The following MYO9A variants were observed in gnomAD, a reference collection of about 807,000 sequenced individuals.
MYO9A encodes the protein unconventional myosin-IXa.
In MYO9A, 103 loss-of-function variants were observed where a neutral mutation model predicts 293.3. The observed-to-expected ratio is 0.35, with a 90% CI of 0.30 to 0.41. The LOEUF is 0.41. Ranked by LOEUF, MYO9A falls within the 10% of genes least tolerant of loss-of-function variation. The pLI is 1.00. For synonymous variants in MYO9A, 1,001 were observed against 1,035.7 expected, an observed-to-expected ratio of 0.97 and a Z score of 0.64; for missense variants, 2,685 against 3,033.0, an observed-to-expected ratio of 0.89 and a Z score of 2.69.
Position 71,830,180 on chromosome 15 carries a change from T to C in MYO9A, c.6969A>G (p.Glu2323=). 1 of 1,614,146 alleles carries C rather than the reference T, an allele frequency of 6.2e-7. No individual in the cohort carries two copies. The highest frequency in any genetic ancestry group is 8.5e-7 in the Non-Finnish European group (1 of 1,179,990). Residue 2323 remains glutamate, a synonymous_variant, in exon 40 of 42, where the codon GAA becomes GAG. Transcript: ENST00000356056. ...CCTGCTGCATAGCTGCTTGCTGCTG[T>C]TCTGTGATGTCAGTCTCCATGGCTG... ...SEAAMETDIT[E]QQQAAMQQEE...
chr15:72,083,909 C>T (rs1307846664), intron 1 of MYO9A, among the ~76,000 whole-genome samples: 2 of 152,170 alleles, frequency 1.3e-5, no homozygotes, highest in East Asian at 1.9e-4. Flanking sequence ...AGAAACATGT[C>T]GAATTGTGTG....
intron 39 of MYO9A, among the ~76,000 whole-genome samples, chr15:71,842,019 CTCTT>C (rs1307679601): frequency 6.6e-5 from 10 of 152,080 alleles, no homozygotes; most frequent in African/African-American, 2.4e-4. Context: ...TATAAGAACT[CTCTT>C]TCTCTCTATG....
chr15:71,935,260 T>C, intron 17 of MYO9A, 81 bp downstream of exon 17: 2 of 1,390,684 alleles, frequency 1.4e-6, no homozygotes, highest in Middle Eastern at 1.9e-4. Flanking sequence ...ATCTTCCTTC[T>C]TCATTTTTTT....
At chr15:71,838,491 A>T (rs901318553) in intron 39 of MYO9A, among the ~76,000 whole-genome samples, 2 of 152,224 alleles carry the variant, frequency 1.3e-5, no homozygotes, top group African/African-American at 2.4e-5. Flanking sequence ...ACTGGAAAAA[A>T]TATAAAGCCA....
intron 1 of MYO9A, among the ~76,000 whole-genome samples, chr15:72,101,211 GC>G (rs2080297162): frequency 7.5e-6 from 1 of 132,880 alleles, no homozygotes; most frequent in African/African-American, 2.8e-5. Context: ...GAGCCCCTCT[GC>G]CCGGCCAGCC....
chr15:71,883,465 A>G, intron 28 of MYO9A, 129 bp downstream of exon 28: 2 of 974,932 alleles, frequency 2.1e-6, no homozygotes, highest in Non-Finnish European at 2.9e-6. Flanking sequence ...GGATTTAACA[A>G]TGCTGGTCCT....
rs529670374 is a variant in MYO9A at position 71,923,110 on chromosome 15, T to C, written c.2563-6618A>G. Among the ~76,000 whole-genome samples, 5 of 152,352 alleles carry C rather than the reference T, an allele frequency of 3.3e-5. No homozygotes were observed. In the East Asian group the frequency reaches 5.8e-4, roughly 18 times the overall value. On this transcript the variant is annotated intron_variant, in intron 18 of 41. Transcript: ENST00000356056. ...TGAATGAGTGTTGAATTTTGTCAGA[T>C]GCTTTATCTGTGTCTATTGAAATAA...
chr15:72,086,882 C>T (rs1373191650), intron 1 of MYO9A, among the ~76,000 whole-genome samples: 1 of 152,130 alleles, frequency 6.6e-6, no homozygotes, highest in Non-Finnish European at 1.5e-5. Flanking sequence ...ATTCTCCTGC[C>T]TCAGCCTCCC....
intron 34 of MYO9A, among the ~76,000 whole-genome samples, chr15:71,855,972 T>C (rs2055847605): frequency 6.6e-6 from 1 of 152,146 alleles, no homozygotes; most frequent in Non-Finnish European, 1.5e-5. Flanking sequence ...TTGTCATTTA[T>C]GTGTTAGGTA....
intron 15 of MYO9A, among the ~76,000 whole-genome samples, chr15:71,944,528 A>C (rs1330616365): frequency 6.6e-6 from 1 of 152,192 alleles, no homozygotes; most frequent in East Asian, 1.9e-4. Context: ...ATTAACTTAC[A>C]TGTATGATAT....
intron 40 of MYO9A, among the ~76,000 whole-genome samples, chr15:71,828,413 C>CAAAG (rs2140486507): frequency 6.6e-6 from 1 of 152,296 alleles, no homozygotes; most frequent in South Asian, 2.1e-4. Context: ...TACCACAAAA[C>CAAAG]AAAGAGATTA....
rs1567245955 is a variant in MYO9A at position 71,899,776 on chromosome 15, T to C, written c.3381A>G (p.Lys1127=). 2 of 1,614,200 alleles carry C rather than the reference T, an allele frequency of 1.2e-6. No individual in the cohort carries two copies. The highest frequency in any genetic ancestry group is 2.2e-5 in the East Asian group (1 of 44,880). The part of the protein sequence containing the change: ...MAAICIQARW[K]AYRESKRYQE... ...GGTACCTTTTACTTTCCCTGTAGGCTTTCCATCTTGCTTGTATGCAAATAG... is the reference window on the plus strand; with the variant it reads ...GGTACCTTTTACTTTCCCTGTAGGCCTTCCATCTTGCTTGTATGCAAATAG... Residue 1127 remains lysine, a synonymous_variant, in exon 24 of 42, where the codon AAA becomes AAG. Coordinates refer to ENST00000356056, the MANE Select transcript of MYO9A (RefSeq NM_006901.4).
At position 71,959,946 on chromosome 15, in the gene MYO9A, C is replaced by T. The variant is rs2059288088; in HGVS notation, c.2137G>A (p.Val713Ile). 1 of 1,613,658 alleles carries T rather than the reference C, an allele frequency of 6.2e-7. No homozygotes were observed. Among genetic ancestry groups the T allele is most frequent in the Non-Finnish European group, 8.5e-7 (1 of 1,179,836 alleles). Residue 713 changes from valine (V) to isoleucine (I), a missense_variant, in exon 14 of 42, where the codon GTT becomes ATT. Around this residue, in one of 10 missense-constraint regions of MYO9A, gnomAD observed 201 missense variants for 245.2 expected, o/e 0.82. Transcript: ENST00000356056. Reference sequence around the variant, plus strand: ...CTTTTCCCAGCTTCCCTGAAAGCAACCATGGCTCTGAAAAAAGCTCGGAGA... The same window carrying T: ...CTTTTCCCAGCTTCCCTGAAAGCAATCATGGCTCTGAAAAAAGCTCGGAGA... Reference protein sequence around the residue: ...AILRAFFRAMVAFREAGKRNI... With the variant: ...AILRAFFRAMIAFREAGKRNI...
At chr15:71,830,349 G>A (rs1369314725) in intron 39 of MYO9A, 38 bp from the exon 40 acceptor site, 6 of 1,575,142 alleles carry the variant, frequency 3.8e-6, no homozygotes, top group Non-Finnish European at 3.5e-6. Context: ...TAAATTGAGT[G>A]ACTGCATCAG....
chr15:72,014,094 A>G (rs779499056), intron 6 of MYO9A, among the ~76,000 whole-genome samples: 10 of 152,202 alleles, frequency 6.6e-5, no homozygotes, highest in Non-Finnish European at 1.0e-4. Context: ...AGCATGAGAC[A>G]CTGTCCAGTT....
chr15:71,852,265 T>G lies in MYO9A; in HGVS notation c.6347-5A>C, dbSNP rs2055680872. The G allele has an allele frequency of 6.2e-7, 1 of 1,601,188 alleles. No individual in the cohort carries two copies. The highest frequency in any genetic ancestry group is 1.3e-5 in the African/African-American group (1 of 74,748). The stretch of plus-strand genomic sequence containing the variant: ...CTAGATTTACACTCTCAGCATCTAT[T>G]TAGAGACAAGAGTTAGATTAACAGA... On this transcript the variant is annotated splice_region_variant and splice_polypyrimidine_tract_variant and intron_variant, in intron 35 of 41. Transcript: ENST00000356056.
intron 13 of MYO9A, among the ~76,000 whole-genome samples, chr15:71,967,033 T>G (rs974180181): frequency 5.3e-5 from 8 of 152,208 alleles, no homozygotes; most frequent in African/African-American, 1.9e-4. Flanking sequence ...GCCTATAATA[T>G]TCATCATCCG....
intron 39 of MYO9A, 111 bp downstream of exon 39, chr15:71,848,734 T>C (rs2055499855): frequency 2.3e-6 from 3 of 1,297,286 alleles, no homozygotes; most frequent in Non-Finnish European, 3.1e-6. Context: ...GACGTTTTAC[T>C]TGTTTTTTAT....
At chr15:72,103,441 CAGA>C (rs1326890947) in intron 1 of MYO9A, among the ~76,000 whole-genome samples, 66 of 139,554 alleles carry the variant, frequency 4.7e-4, no homozygotes, top group African/African-American at 1.9e-3. Flanking sequence ...GCAGCAGAAG[CAGA>C]AGCAGCAGCA....
Sources: gnomAD v4.1 joint callset for allele counts (sites outside exome capture counted in the v4.1 genomes callset) on GRCh38, gnomAD v4.1.1 for gene constraint, gnomAD v4.1.1 regional missense constraint, MANE v1.5 for transcripts, NCBI Gene and HGNC (gene_info 2026-07-23, HGNC 2026-07-21) for gene names.